Variants in INTS4 observed in about 807,000 individuals in gnomAD.
INTS4 encodes integrator complex subunit 4.
A neutral mutation model predicts 119.5 loss-of-function variants in INTS4; 70 were observed. The ratio of observed to expected loss-of-function variants is 0.59; its 90% CI spans 0.48 to 0.71. The LOEUF (loss-of-function observed/expected upper bound fraction) is 0.71. INTS4 is among the 30% of genes least tolerant of loss of function. The probability of loss-of-function intolerance (pLI) is 0.00; values close to 1 mark genes in which losing one functional copy is unlikely to be tolerated. For missense variants in INTS4, 867 were observed against 1,173.2 expected (o/e 0.74, Z 3.81); for synonymous variants, 316 against 419.6 (o/e 0.75, Z 3.02).
chr11:77,940,051 T>C (rs1953892964), intron 9 of INTS4, among the ~76,000 whole-genome samples: 1 of 152,108 alleles, frequency 6.6e-6, no homozygotes, highest in Non-Finnish European at 1.5e-5. Context: ...ACAATGAATG[T>C]ACATATTATT....
chr11:77,969,134 C>A (rs1855610469), intron 4 of INTS4, among the ~76,000 whole-genome samples: 1 of 152,016 alleles, frequency 6.6e-6, no homozygotes, highest in Non-Finnish European at 1.5e-5. Context: ...GGGTTATCAC[C>A]ATGTTGGCCA....
intron 2 of INTS4, among the ~76,000 whole-genome samples, chr11:77,982,131 C>T (rs572621029): frequency 6.6e-6 from 1 of 150,862 alleles, no homozygotes; most frequent in South Asian, 2.1e-4. Flanking sequence ...TTTCATTCTA[C>T]CTGTCTTTTT....
intron 15 of INTS4, among the ~76,000 whole-genome samples, chr11:77,909,537 T>C (rs1433329614): frequency 6.6e-6 from 1 of 152,220 alleles, no homozygotes; most frequent in Non-Finnish European, 1.5e-5. Context: ...CATGACCTAA[T>C]CACCTCCCAA....
chr11:77,898,122 GTTA>G lies in INTS4; in HGVS notation c.2228+3296_2228+3298del, dbSNP rs531013655. Among the ~76,000 whole-genome samples the G allele has an allele frequency of 1.8e-3, 269 of 152,114 alleles. 1 individual carries two copies. Among genetic ancestry groups the G allele is most frequent in the African/African-American group, 6.4e-3 (266 of 41,496 alleles). On this transcript the variant is annotated intron_variant, in intron 18 of 22. Transcript: ENST00000534064. ...TGAGCCACTGCATCTACCCCAAATT[GTTA>G]TTATTATTTTTTGCTCAGTAAGAGG...
chr11:77,987,516 GAA>G (rs1406435217), intron 2 of INTS4: 3 of 360,768 alleles, frequency 8.3e-6, no homozygotes, highest in South Asian at 3.9e-5. Flanking sequence ...ATATTGCTAA[GAA>G]AAAGACTAAC....
intron 4 of INTS4, among the ~76,000 whole-genome samples, chr11:77,968,393 A>C (rs1362980793): frequency 6.6e-6 from 1 of 152,232 alleles, no homozygotes; most frequent in Non-Finnish European, 1.5e-5. Context: ...AGCTAGGCAC[A>C]AAAGGACAAA....
chr11:77,875,723 G>A (rs958527339), downstream of INTS4, among the ~76,000 whole-genome samples: 1 of 152,144 alleles, frequency 6.6e-6, no homozygotes, highest in East Asian at 1.9e-4. Flanking sequence ...GAACATAGAG[G>A]AAATGTTCCA....
At chr11:77,937,334 C>T (rs1485461263) in intron 10 of INTS4, among the ~76,000 whole-genome samples, 1 of 152,066 alleles carries the variant, frequency 6.6e-6, no homozygotes, top group African/African-American at 2.4e-5. Context: ...TTGCTTAAAA[C>T]CAGTGATAAA....
intron 11 of INTS4, among the ~76,000 whole-genome samples, chr11:77,926,812 A>C (rs201464625): frequency 9.4e-5 from 1 of 10,596 alleles, no homozygotes; most frequent in Non-Finnish European, 1.7e-4. Context: ...ACTCAGCCTC[A>C]AAAAAAAAAA....
At chr11:77,941,150 C>A (rs1161365716) in intron 9 of INTS4, 30 bp downstream of exon 9, 4 of 1,606,508 alleles carry the variant, frequency 2.5e-6, no homozygotes, top group Non-Finnish European at 3.4e-6. Flanking sequence ...TTACAGAAAC[C>A]CACTTTAAAC....
At chr11:77,988,663 A>C (rs1856549632) in intron 2 of INTS4, among the ~76,000 whole-genome samples, 1 of 152,230 alleles carries the variant, frequency 6.6e-6, no homozygotes, top group South Asian at 2.1e-4. Flanking sequence ...TGATAGCTGC[A>C]ATATGAAGTA....
At chr11:77,960,266 T>A (rs574348571) in intron 6 of INTS4, 75 bp downstream of exon 6, 2 of 1,050,588 alleles carry the variant, frequency 1.9e-6, no homozygotes, top group South Asian at 2.8e-5. Context: ...GTTTTCAAAT[T>A]CTGAGAACCT....
intron 19 of INTS4, among the ~76,000 whole-genome samples, chr11:77,892,358 G>A (rs1308765799): frequency 6.6e-6 from 1 of 152,078 alleles, no homozygotes; most frequent in African/African-American, 2.4e-5. Context: ...CCAATTTTGT[G>A]CCTTGTGCCA....
intron 4 of INTS4, among the ~76,000 whole-genome samples, chr11:77,973,110 G>A (rs2136621751): frequency 6.6e-6 from 1 of 152,142 alleles, no homozygotes; most frequent in East Asian, 1.9e-4. Context: ...CCATAGTGCT[G>A]GGATTACAGG....
At position 77,901,445 on chromosome 11, in the gene INTS4, A is replaced by G. The variant is rs780037785; in HGVS notation, c.2204T>C (p.Ile735Thr). ...MRLQAKALQL[I>T]VTARTTRGLD... ...CCCTCGTGTAGTTCGTGCTGTTACTATAAGTTGCAAAGCTTTGGCCTGCAG... is the reference window on the plus strand; with the variant it reads ...CCCTCGTGTAGTTCGTGCTGTTACTGTAAGTTGCAAAGCTTTGGCCTGCAG... The change falls in exon 18 of 23, where the codon ATA becomes ACA. Residue 735 changes from isoleucine (I) to threonine (T), a missense_variant. Transcript: ENST00000534064. 2.6e-5 allele frequency: 42 copies of G among 1,613,832 alleles called. No homozygotes were observed. Among genetic ancestry groups the G allele is most frequent in the Admixed American group, 3.3e-5 (2 of 59,998 alleles).
chr11:77,914,531 T>G (rs1953162569), intron 15 of INTS4, among the ~76,000 whole-genome samples: 1 of 152,172 alleles, frequency 6.6e-6, no homozygotes, highest in Non-Finnish European at 1.5e-5. Context: ...TAGAAAGGAC[T>G]GGAATCTCCG....
Position 77,879,325 on chromosome 11 carries a change from T to G in INTS4, c.2714-198A>C, listed in dbSNP as rs181437511. ...CTGTTCCATCACCTTCCCCTTGGGCTCACTGTGGCACAGAGCCAAAGCTGC... is the reference window on the plus strand; with the variant it reads ...CTGTTCCATCACCTTCCCCTTGGGCGCACTGTGGCACAGAGCCAAAGCTGC... On this transcript the variant is annotated intron_variant, in intron 22 of 22. Coordinates refer to ENST00000534064, the MANE Select transcript of INTS4 (RefSeq NM_033547.4). Among the ~76,000 whole-genome samples the G allele has an allele frequency of 1.4e-3, 217 of 152,326 alleles. 1 individual carries two copies. Among genetic ancestry groups the G allele is most frequent in the African/African-American group, 3.6e-3 (148 of 41,580 alleles).
At chr11:77,993,404 G>C (rs1856774640) in intron 1 of INTS4, among the ~76,000 whole-genome samples, 1 of 152,174 alleles carries the variant, frequency 6.6e-6, no homozygotes, top group Non-Finnish European at 1.5e-5. Flanking sequence ...CATGTATTCT[G>C]TGAGAAGAGA....
chr11:77,884,996 G>C (rs1233937257), intron 21 of INTS4: 2 of 184,064 alleles, frequency 1.1e-5, no homozygotes, highest in African/African-American at 2.3e-5. Flanking sequence ...TTGACCTCAA[G>C]TGATCCTCCT....
Sources: gnomAD v4.1 joint callset for allele counts (sites outside exome capture counted in the v4.1 genomes callset) on GRCh38, gnomAD v4.1.1 for gene constraint, MANE v1.5 for transcripts, NCBI Gene and HGNC (gene_info 2026-07-23, HGNC 2026-07-21) for gene names.